Variants in TANGO6 observed in about 807,000 individuals in gnomAD.
The protein encoded by TANGO6 is transport and Golgi organization protein 6 homolog.
TANGO6 carries 90 observed loss-of-function variants against 114.2 expected under a neutral mutation model. The ratio of observed to expected loss-of-function variants is 0.79; its 90% CI spans 0.66 to 0.94. The LOEUF (loss-of-function observed/expected upper bound fraction) is 0.94, where lower values mean the gene tolerates loss of function less well. TANGO6 is among the 40% of genes least tolerant of loss of function. The pLI is 0.00. For synonymous variants in TANGO6, 477 were observed against 509.8 expected (o/e 0.94, Z 0.87); for missense variants, 1,274 against 1,315.3 (o/e 0.97, Z 0.49).
At chr16:68,853,292 G>A (rs1378638680) in intron 1 of TANGO6, among the ~76,000 whole-genome samples, 17 of 147,244 alleles carry the variant, frequency 1.2e-4, no homozygotes, top group Non-Finnish European at 1.9e-4. Context: ...AAAAAAAAAA[G>A]CATATACTTT....
intron 4 of TANGO6, among the ~76,000 whole-genome samples, chr16:68,869,188 A>T (rs1466020176): frequency 1.3e-5 from 2 of 152,186 alleles, no homozygotes; most frequent in African/African-American, 2.4e-5. Context: ...TAATACACTG[A>T]AAAACATCAA....
intron 5 of TANGO6, among the ~76,000 whole-genome samples, chr16:68,875,840 G>A (rs568390351): frequency 2.2e-4 from 34 of 151,240 alleles, no homozygotes; most frequent in African/African-American, 8.2e-4. Flanking sequence ...GCTAGAATAC[G>A]AAACTCAAGT....
intron 15 of TANGO6, among the ~76,000 whole-genome samples, chr16:68,977,905 C>CA (rs1963780835): frequency 6.6e-6 from 1 of 151,938 alleles, no homozygotes; most frequent in African/African-American, 2.4e-5. Flanking sequence ...AGGCCGGTCT[C>CA]GAACTCCTGA....
intron 11 of TANGO6, among the ~76,000 whole-genome samples, chr16:68,912,911 CAAAAAAA>C (rs554300938): frequency 1.1e-4 from 9 of 81,876 alleles, no homozygotes; most frequent in Admixed American, 8.5e-4. Context: ...CCCCATCTCT[CAAAAAAA>C]AAAAAAAAAA....
chr16:69,015,452 A>T (rs1421885923), intron 15 of TANGO6, among the ~76,000 whole-genome samples: 1 of 144,758 alleles, frequency 6.9e-6, no homozygotes, highest in Non-Finnish European at 1.5e-5. Context: ...AGTTTAACAG[A>T]TGCTCATTTT....
At chr16:68,878,929 A>G (rs1301622185) in intron 6 of TANGO6, among the ~76,000 whole-genome samples, 1 of 151,926 alleles carries the variant, frequency 6.6e-6, no homozygotes, top group Admixed American at 6.6e-5. Context: ...TATAAAAATT[A>G]GCCAGGCATG....
At chr16:68,982,346 CT>C (rs1167469983) in intron 15 of TANGO6, among the ~76,000 whole-genome samples, 1 of 151,630 alleles carries the variant, frequency 6.6e-6, no homozygotes, top group Non-Finnish European at 1.5e-5. Flanking sequence ...TATCTCATAC[CT>C]TTTTTTTAGA....
chr16:69,074,879 G>A (rs1215295306), intron 17 of TANGO6, among the ~76,000 whole-genome samples: 2 of 148,948 alleles, frequency 1.3e-5, no homozygotes, highest in South Asian at 2.1e-4. Flanking sequence ...GCAGAATCTC[G>A]CCCTATTGCC....
chr16:68,964,677 C>A (rs1488275750), intron 14 of TANGO6, among the ~76,000 whole-genome samples: 1 of 151,380 alleles, frequency 6.6e-6, no homozygotes, highest in Non-Finnish European at 1.5e-5. Context: ...GGTGATTCTC[C>A]TGCCTCAGCC....
intron 17 of TANGO6, among the ~76,000 whole-genome samples, chr16:69,044,536 C>T (rs539091213): frequency 2.6e-5 from 4 of 152,004 alleles, no homozygotes; most frequent in South Asian, 2.1e-4. Flanking sequence ...GCAAGGCATG[C>T]GATATAGTAG....
intron 4 of TANGO6, among the ~76,000 whole-genome samples, chr16:68,871,919 C>T (rs1239639228): frequency 6.6e-6 from 1 of 152,152 alleles, no homozygotes; most frequent in Non-Finnish European, 1.5e-5. Context: ...TGTGCCTGGC[C>T]AAGGGCAAAT....
intron 17 of TANGO6, among the ~76,000 whole-genome samples, chr16:69,062,788 A>T (rs1406076529): frequency 4.0e-3 from 143 of 35,536 alleles, no homozygotes; most frequent in African/African-American, 8.2e-3. Flanking sequence ...AAAGAAATTT[A>T]AAAAAAAAAA....
At chr16:69,006,086 G>A (rs1238272507) in intron 15 of TANGO6, among the ~76,000 whole-genome samples, 3 of 152,194 alleles carry the variant, frequency 2.0e-5, no homozygotes, top group African/African-American at 7.2e-5. Flanking sequence ...GAAAGGAAGA[G>A]CTGGCAGAAG....
intron 14 of TANGO6, among the ~76,000 whole-genome samples, chr16:68,961,924 T>C (rs986452727): frequency 3.8e-4 from 58 of 152,202 alleles, no homozygotes; most frequent in Non-Finnish European, 1.5e-4. Context: ...ATATCACCCT[T>C]TAGCAGGATG....
At chr16:69,049,747 T>C (rs535384065) in intron 17 of TANGO6, among the ~76,000 whole-genome samples, 5 of 152,124 alleles carry the variant, frequency 3.3e-5, no homozygotes, top group South Asian at 4.2e-4. Context: ...GCTTTTTTTT[T>C]TTCTTTTTTA....
rs574648975 is a variant in TANGO6, at chr16:69,048,886, G to T, written c.3108+8465G>T. ...TGTGTTGGAAAAGGAGCAGTACTAG[G>T]CTGGGGACAGACCCAAGCTGAGGGA... On this transcript the variant is annotated intron_variant, in intron 17 of 17. Coordinates refer to ENST00000261778, the MANE Select transcript of TANGO6 (RefSeq NM_024562.2). Among the ~76,000 whole-genome samples the T allele has an allele frequency of 1.5e-4, 23 of 152,274 alleles. 1 individual carries two copies. The South Asian group carries it at 4.8e-3, about 32-fold the overall frequency.
At chr16:69,039,607 G>A (rs1459543968) in intron 16 of TANGO6, among the ~76,000 whole-genome samples, 1 of 152,188 alleles carries the variant, frequency 6.6e-6, no homozygotes, top group Non-Finnish European at 1.5e-5. Flanking sequence ...CTGCACTCCA[G>A]CCTGGGTGAC....
chr16:68,896,485 A>T (rs1962706702), intron 7 of TANGO6, among the ~76,000 whole-genome samples: 1 of 151,162 alleles, frequency 6.6e-6, no homozygotes. Context: ...GCTAATTTTT[A>T]TTTTTTGTAG....
intron 14 of TANGO6, among the ~76,000 whole-genome samples, chr16:68,967,444 T>C (rs2152210933): frequency 6.6e-6 from 1 of 152,278 alleles, no homozygotes; most frequent in East Asian, 1.9e-4. Flanking sequence ...TAACAGGCCA[T>C]GCCCGGTAAC....
Sources: allele counts gnomAD v4.1 joint callset (sites outside exome capture counted in the v4.1 genomes callset), GRCh38; gene constraint gnomAD v4.1.1; transcripts MANE v1.5; gene names NCBI Gene and HGNC (gene_info 2026-07-23, HGNC 2026-07-21).